TTC3: variants seen among roughly 807,000 people sequenced by gnomAD.
TTC3 encodes tetratricopeptide repeat domain 3.
A neutral mutation model predicts 249.6 loss-of-function variants in TTC3; 180 were observed. The observed-to-expected ratio is 0.72, with a 90% CI of 0.64 to 0.82. The LOEUF (loss-of-function observed/expected upper bound fraction) is 0.82. TTC3 is among the 40% of genes least tolerant of loss of function. TTC3 has a pLI of 0.00. For missense variants in TTC3, 2,061 were observed against 2,398.4 expected, an observed-to-expected ratio of 0.86 and a Z score of 2.94; for synonymous variants, 717 against 805.0, an observed-to-expected ratio of 0.89 and a Z score of 1.85.
At chr21:37,201,858 T>C in exon 46 of TTC3, 1 of 407,910 alleles carries the variant, frequency 2.5e-6, no homozygotes, top group South Asian at 2.9e-5. Flanking sequence ...TGGAAAGTAC[T>C]ATGAACGTCT....
At chr21:37,190,085 A>G (rs535218044) in intron 39 of TTC3, among the ~76,000 whole-genome samples, 3 of 138,670 alleles carry the variant, frequency 2.2e-5, no homozygotes, top group South Asian at 4.9e-4. Context: ...TGAACCAGAG[A>G]TTGTGTGAAT....
Position 37,115,543 on chromosome 21 carries a change from T to C in TTC3, c.901-6274T>C, listed in dbSNP as rs530439331. On this transcript the variant is annotated intron_variant, in intron 11 of 45. Coordinates refer to ENST00000355666, the Ensembl canonical transcript of TTC3. ...TTGCAAATGTGCACATGGTTTGATATGCAAGGTTGGTCATTGCAGCATTGT... is the reference window on the plus strand; with the variant it reads ...TTGCAAATGTGCACATGGTTTGATACGCAAGGTTGGTCATTGCAGCATTGT... Among the ~76,000 whole-genome samples, 13 of 152,356 alleles carry C rather than the reference T, an allele frequency of 8.5e-5. No homozygotes were observed. In the South Asian group the frequency reaches 2.3e-3, roughly 27 times the overall value.
chr21:37,137,081 C>A (rs765831203), intron 18 of TTC3, among the ~76,000 whole-genome samples: 13 of 152,154 alleles, frequency 8.5e-5, no homozygotes, highest in Non-Finnish European at 1.0e-4. Context: ...AGATTCTTTG[C>A]AAAATACTAT....
In TTC3 at chr21:37,104,147, T is replaced by G. The variant is rs559892833; in HGVS notation, c.846-4245T>G. ...AGTTGCTCGTGGTTGGTGTTGGAAC[T>G]TGAGAGTGAAGGTGGTTGGAACTGT... is the stretch of plus-strand genomic sequence containing the variant. On this transcript the variant is annotated intron_variant, in intron 10 of 45. Transcript: ENST00000355666. Among the ~76,000 whole-genome samples the G allele has an allele frequency of 1.5e-3, 224 of 152,280 alleles. 2 individuals carry two copies. The highest frequency in any genetic ancestry group is 4.9e-3 in the African/African-American group (205 of 41,552).
At chr21:37,141,259 A>C (rs922011875) in intron 20 of TTC3, among the ~76,000 whole-genome samples, 1 of 152,206 alleles carries the variant, frequency 6.6e-6, no homozygotes, top group Non-Finnish European at 1.5e-5. Flanking sequence ...TAAAAAAAGA[A>C]AATCTGTTTC....
At chr21:37,162,044 A>T in exon 31 of TTC3, 2 of 1,583,378 alleles carry the variant, frequency 1.3e-6, no homozygotes, top group Non-Finnish European at 1.7e-6. Flanking sequence ...TGAGATCATC[A>T]CTTCAAGTGA....
At position 37,150,116 on chromosome 21, in the gene TTC3, A is replaced by G. The variant is rs775319545; in HGVS notation, c.2157A>G (p.Glu719=). 5.6e-6 allele frequency: 9 copies of G among 1,612,918 alleles called. No homozygotes were observed. In the East Asian group the frequency reaches 1.3e-4, roughly 24 times the overall value. Reference sequence around the variant, plus strand: ...GAATATGTCTTACCCCTGACTGTGAAGGTGTCATTTCTAAGATTATCATCT... The same window carrying G: ...GAATATGTCTTACCCCTGACTGTGAGGGTGTCATTTCTAAGATTATCATCT... Residue 719 remains glutamate (E), a synonymous_variant, in exon 24 of 46, where the codon GAA becomes GAG. Coordinates refer to ENST00000355666, the Ensembl canonical transcript of TTC3.
At chr21:37,073,531 T>C (rs985078990) in intron 1 of TTC3, 58 bp downstream of exon 1, 2 of 837,042 alleles carry the variant, frequency 2.4e-6, no homozygotes, top group Non-Finnish European at 1.3e-6. Context: ...CTACTGTGTC[T>C]GCATGGGTTG....
chr21:37,150,053 GTT>G (rs35491163), intron 23 of TTC3, 23 bp from the exon 24 acceptor site: 71,142 of 1,285,660 alleles, frequency 0.055, 522 homozygotes, highest in Middle Eastern at 0.11. Flanking sequence ...CATTTTTCTT[GTT>G]TTTTTTTTTT....
Position 37,097,629 on chromosome 21 carries a change from C to T in TTC3, c.845+986C>T, listed in dbSNP as rs2074071377. On this transcript the variant is annotated intron_variant, in intron 10 of 45. Coordinates refer to ENST00000355666, the Ensembl canonical transcript of TTC3. ...CAATTGGTCAGGTGAAACAGTTTTCCTAGTATTTAGTTTTGAAAGAAGTTG... is the reference window on the plus strand; with the variant it reads ...CAATTGGTCAGGTGAAACAGTTTTCTTAGTATTTAGTTTTGAAAGAAGTTG... Among the ~76,000 whole-genome samples, 3 of 152,140 alleles carry T rather than the reference C, an allele frequency of 2.0e-5. No homozygotes were observed. In the South Asian group the frequency reaches 6.2e-4, roughly 32 times the overall value.
chr21:37,192,135 G>A (rs1457864835), exon 41 of TTC3: 2 of 1,603,478 alleles, frequency 1.2e-6, no homozygotes, highest in East Asian at 4.5e-5. Flanking sequence ...AACAAATTAA[G>A]GCAATTAAAA....
chr21:37,188,306 A>G, intron 38 of TTC3, 189 bp from the exon 39 acceptor site: 1 of 513,826 alleles, frequency 1.9e-6, no homozygotes, highest in Non-Finnish European at 3.5e-6. Context: ...TTGTGATGTC[A>G]TTTTGTTCTG....
intron 18 of TTC3, among the ~76,000 whole-genome samples, chr21:37,138,097 G>A (rs1032811807): frequency 6.6e-6 from 1 of 152,206 alleles, no homozygotes; most frequent in African/African-American, 2.4e-5. Flanking sequence ...ATTAGCATTT[G>A]TAGCAATAAA....
At chr21:37,104,143 G>A (rs953849425) in intron 10 of TTC3, among the ~76,000 whole-genome samples, 2 of 152,172 alleles carry the variant, frequency 1.3e-5, no homozygotes, top group African/African-American at 4.8e-5. Context: ...GTTGGTGTTG[G>A]AACTTGAGAG....
intron 10 of TTC3, chr21:37,098,686 A>G (rs954014821): frequency 6.6e-6 from 1 of 152,202 alleles, no homozygotes; most frequent in African/African-American, 2.4e-5. Flanking sequence ...ACCTCCTCAC[A>G]CATTGTCTAT....
intron 1 of TTC3, chr21:37,082,404 T>A (rs995237959): frequency 1.7e-5 from 14 of 802,636 alleles, no homozygotes; most frequent in Non-Finnish European, 2.1e-5. Context: ...GATCATTGAT[T>A]ATGAACTTCT....
intron 16 of TTC3, among the ~76,000 whole-genome samples, chr21:37,131,737 A>G (rs1283486336): frequency 6.6e-6 from 1 of 152,198 alleles, no homozygotes; most frequent in Admixed American, 6.5e-5. Context: ...GGGAGTTAGT[A>G]TCAGAACTGA....
At chr21:37,170,169 TACATAC>T (rs1569134270) in intron 34 of TTC3, among the ~76,000 whole-genome samples, 1 of 152,102 alleles carries the variant, frequency 6.6e-6, no homozygotes, top group Admixed American at 6.6e-5. Context: ...TGACAACAAA[TACATAC>T]ACATACACAT....
intron 14 of TTC3, among the ~76,000 whole-genome samples, 190 bp downstream of exon 14, chr21:37,124,932 A>C (rs1443240865): frequency 5.9e-5 from 9 of 152,228 alleles, no homozygotes; most frequent in Non-Finnish European, 2.9e-5. Context: ...ATAATATTTG[A>C]AAGTCACAGA....
Sources: gnomAD v4.1 joint callset for allele counts (sites outside exome capture counted in the v4.1 genomes callset) on GRCh38, gnomAD v4.1.1 for gene constraint, MANE v1.5 for transcripts, NCBI Gene and HGNC (gene_info 2026-07-23, HGNC 2026-07-21) for gene names.